MAT2A: variants seen among roughly 807,000 people sequenced by gnomAD.
The protein encoded by MAT2A is methionine adenosyltransferase 2A.
Under a neutral mutation model 43.9 loss-of-function variants are expected in MAT2A, and 3 were observed. The observed-to-expected ratio is 0.07, with a 90% CI of 0.03 to 0.18. The LOEUF is 0.18. Among genes scored for constraint, MAT2A ranks in the 10% least tolerant of loss-of-function variants. MAT2A has a pLI of 1.00. For synonymous variants in MAT2A, 200 were observed against 168.4 expected (o/e 1.19, Z -1.45); for missense variants, 204 against 489.0 (o/e 0.42, Z 5.50).
Position 85,541,870 on chromosome 2 carries a change from T to C in MAT2A, c.447T>C (p.Cys149=). The C allele has an allele frequency of 6.2e-7, 1 of 1,614,258 alleles. No homozygotes were observed. The highest frequency in any genetic ancestry group is 8.5e-7 in the Non-Finnish European group (1 of 1,180,028). ...ATGCCACTGATGAAACTGAGGAGTG[T>C]ATGCCTTTAACCATTGTCTTGGCAC... ...FGYATDETEE[C]MPLTIVLAHK... is the part of the protein sequence containing the mutation. The change falls in exon 5 of 9, where the codon TGT becomes TGC. Residue 149 remains cysteine (C), a synonymous_variant. Coordinates refer to ENST00000306434, the MANE Select transcript of MAT2A (RefSeq NM_005911.6).
chr2:85,540,573 C>T (rs1260521604), intron 1 of MAT2A, among the ~76,000 whole-genome samples: 1 of 152,214 alleles, frequency 6.6e-6, no homozygotes, highest in South Asian at 2.1e-4. Flanking sequence ...CAATAGATGA[C>T]AAAGCAGGGA....
At chr2:85,539,687 G>C (rs1041435612) in intron 1 of MAT2A, 2 of 235,208 alleles carry the variant, frequency 8.5e-6, no homozygotes, top group African/African-American at 4.6e-5. Context: ...GTTCTGGCCG[G>C]GAAGGGAGGG....
In MAT2A at chr2:85,544,337, G is replaced by C. The variant is rs1411323189; in HGVS notation, c.*565G>C. The C allele has an allele frequency of 3.9e-5, 6 of 152,738 alleles. No homozygotes were observed. The highest frequency in any genetic ancestry group is 3.4e-3 in the Middle Eastern group (1 of 294). The allele number at this position is 152,738 out of a possible 1,614,324, so 9.5% of individuals were successfully genotyped here. A position where few individuals can be genotyped will look rare whatever the true frequency, so the allele number is the denominator to read the frequency against. On this transcript the variant is annotated 3_prime_UTR_variant, in exon 9 of 9. Transcript: ENST00000306434. ...GTTCCCTATCCAATCAATCTTGCAT[G>C]TAACGCAAGTTCCCAGTTGGAGCTC...
intron 6 of MAT2A, 56 bp from the exon 7 acceptor site, chr2:85,542,509 A>C: frequency 6.4e-7 from 1 of 1,556,440 alleles, no homozygotes; most frequent in Non-Finnish European, 8.8e-7. Context: ...AGAATAGGCA[A>C]CCTAATCCAC....
In MAT2A at chr2:85,541,620, T is replaced by G. The variant is rs1558797780; in HGVS notation, c.293-13T>G. On this transcript the variant is annotated splice_polypyrimidine_tract_variant and intron_variant, in intron 3 of 8. Transcript: ENST00000306434. ...CTAGGACGTAAACAAGATGTTGTGTTTTTTGCTTATAGGTTTTGACTACAA... is the reference window on the plus strand; with the variant it reads ...CTAGGACGTAAACAAGATGTTGTGTGTTTTGCTTATAGGTTTTGACTACAA... 1 of 1,577,752 alleles carries G rather than the reference T, an allele frequency of 6.3e-7. No homozygotes were observed.
At chr2:85,539,478 C>G (rs868305825) in intron 1 of MAT2A, 100 bp downstream of exon 1, 1 of 872,642 alleles carries the variant, frequency 1.1e-6, no homozygotes, top group Non-Finnish European at 1.7e-6. Context: ...CGCGGGTCGT[C>G]CTCGTCCGCC....
chr2:85,541,722 G>A lies in MAT2A; in HGVS notation c.382G>A (p.Glu128Lys). The change falls in exon 4 of 9, where the codon GAA (glutamate) becomes AAA (lysine). Residue 128 changes from glutamate (E) to lysine (K), a missense_variant. Coordinates refer to ENST00000306434, the MANE Select transcript of MAT2A (RefSeq NM_005911.6). ...AQGVHLDRNE[E>K]DIGAGDQGLM... ...AGGTGTTCATCTTGACAGAAATGAA[G>A]AAGACATTGGTGCTGGAGACCAGGT... 6.2e-7 allele frequency: 1 copy of A among 1,614,196 alleles called. No homozygotes were observed. The highest frequency in any genetic ancestry group is 1.3e-5 in the African/African-American group (1 of 75,078).
Position 85,541,029 on chromosome 2 carries a change from A to G in MAT2A, c.92-54A>G, listed in dbSNP as rs1039350620. The G allele has an allele frequency of 6.3e-6, 8 of 1,266,440 alleles. No homozygotes were observed. The African/African-American group carries it at 1.0e-4, about 16-fold the overall frequency. 78.5% of individuals were successfully genotyped at this position (1,266,440 alleles called of 1,614,324 possible). A position where few individuals can be genotyped will look rare whatever the true frequency, so the allele number is the denominator to read the frequency against. ...ACAGGGAGGGAGCTTGCATACATAC[A>G]TACATACTTTGTTTAAAGTTAAAGA... On this transcript the variant is annotated intron_variant, in intron 1 of 8. Coordinates refer to ENST00000306434, the MANE Select transcript of MAT2A (RefSeq NM_005911.6).
In MAT2A at chr2:85,541,960, T is replaced by C. The variant is rs1363300276; in HGVS notation, c.537T>C (p.Asp179=). Residue 179 remains aspartate, a synonymous_variant, in exon 5 of 9, where the codon GAT becomes GAC. Coordinates refer to ENST00000306434, the MANE Select transcript of MAT2A (RefSeq NM_005911.6). ...RNGTLPWLRP[D]SKTQVTVQYM... ...GCACTTTGCCTTGGTTACGCCCTGA[T>C]TCTAAAACTCAAGTAAGTGATGATC... 6.2e-7 allele frequency: 1 copy of C among 1,613,532 alleles called. No individual in the cohort carries two copies. Among genetic ancestry groups the C allele is most frequent in the Non-Finnish European group, 8.5e-7 (1 of 1,179,562 alleles).
rs1013956541 is a variant in MAT2A at position 85,542,857 on chromosome 2, G to A, written c.952-44G>A. On this transcript the variant is annotated intron_variant, in intron 7 of 8. Coordinates refer to ENST00000306434, the MANE Select transcript of MAT2A (RefSeq NM_005911.6). ...TACCAACGTATTATACAAGTATATGGGTCTTTGCAATCACTGATTCTTACG... is the reference window on the plus strand; with the variant it reads ...TACCAACGTATTATACAAGTATATGAGTCTTTGCAATCACTGATTCTTACG... 7 of 1,597,272 alleles carry A rather than the reference G, an allele frequency of 4.4e-6. No homozygotes were observed. In the African/African-American group the frequency reaches 9.4e-5, roughly 21 times the overall value.
chr2:85,543,345 A>G (rs1388125003), intron 8 of MAT2A: 2 of 408,250 alleles, frequency 4.9e-6, no homozygotes, highest in East Asian at 4.1e-5. Context: ...GTTTGTTGCA[A>G]TGTAAAAACC....
rs553633951 is a variant in MAT2A at position 85,543,049 on chromosome 2, G to A, written c.1085+15G>A. On this transcript the variant is annotated intron_variant, in intron 8 of 8. Transcript: ENST00000306434. ...GTCATTGTCAGGTAAAGATGGTAAA[G>A]CCTGTTGCTAGTCAAGTATTGAGGG... is the stretch of plus-strand genomic sequence containing the variant. 1.9e-6 allele frequency: 3 copies of A among 1,610,262 alleles called. No homozygotes were observed. Among genetic ancestry groups the A allele is most frequent in the East Asian group, 2.2e-5 (1 of 44,894 alleles).
intron 8 of MAT2A, chr2:85,543,287 T>C (rs1245597533): frequency 2.1e-6 from 1 of 482,192 alleles, no homozygotes; most frequent in Non-Finnish European, 3.8e-6. Context: ...CTTTGTGCTC[T>C]TCTACTTAAG....
Position 85,539,250 on chromosome 2 carries a change from G to T in MAT2A, c.-38G>T, listed in dbSNP as rs369764844. 53 of 1,481,422 alleles carry T rather than the reference G, an allele frequency of 3.6e-5. No individual in the cohort carries two copies. Among genetic ancestry groups the T allele is most frequent in the Non-Finnish European group, 4.8e-5 (52 of 1,072,286 alleles). The allele number at this position is 1,481,422 out of a possible 1,614,324, so 91.8% of individuals were successfully genotyped here. A position where few individuals can be genotyped will look rare whatever the true frequency, so the allele number is the denominator to read the frequency against. ...TCGCAGCCGCTGCCGCCTCGCCGCT[G>T]CTCCTTCGTAAGGCCACTTCCGCAC... On this transcript the variant is annotated 5_prime_UTR_variant, in exon 1 of 9. Transcript: ENST00000306434.
chr2:85,542,510 C>T, intron 6 of MAT2A, 55 bp from the exon 7 acceptor site: 25 of 1,559,096 alleles, frequency 1.6e-5, no homozygotes, highest in Non-Finnish European at 2.2e-5. Context: ...GAATAGGCAA[C>T]CTAATCCACT....
Position 85,539,190 on chromosome 2 carries a change from G to A in MAT2A, c.-98G>A. On this transcript the variant is annotated 5_prime_UTR_variant, in exon 1 of 9. Coordinates refer to ENST00000306434, the MANE Select transcript of MAT2A (RefSeq NM_005911.6). The stretch of plus-strand genomic sequence containing the variant: ...TTCGTTCGCTCCGCGCCGCCCGCCT[G>A]CTACGAGTAGAACGCTGTCCGCAGC... The A allele has an allele frequency of 1.1e-6, 1 of 870,116 alleles. No homozygotes were observed. The allele number at this position is 870,116 out of a possible 1,614,324, so 53.9% of individuals were successfully genotyped here. A position where few individuals can be genotyped will look rare whatever the true frequency, so the allele number is the denominator to read the frequency against.
Position 85,541,177 on chromosome 2 carries a change from C to T in MAT2A, c.169+17C>T, listed in dbSNP as rs555218760. Reference sequence around the variant, plus strand: ...TAGCTTGTGGTAGGTTCAGAATGTGCTTATCAACTGGTGGAAAGATAGCAT... The same window carrying T: ...TAGCTTGTGGTAGGTTCAGAATGTGTTTATCAACTGGTGGAAAGATAGCAT... On this transcript the variant is annotated intron_variant, in intron 2 of 8. Transcript: ENST00000306434. 2 of 1,613,166 alleles carry T rather than the reference C, an allele frequency of 1.2e-6. No homozygotes were observed. The highest frequency in any genetic ancestry group is 2.2e-5 in the South Asian group (2 of 90,964).
rs1691506990 is a variant in MAT2A, at chr2:85,542,755, CTCTT to C, written c.951+10_951+13del. 4.4e-6 allele frequency: 7 copies of C among 1,597,196 alleles called. No individual in the cohort carries two copies. The highest frequency in any genetic ancestry group is 5.1e-6 in the Non-Finnish European group (6 of 1,168,566). ...CGGAGGGTTCTTGTTCAGGTATACA[CTCTT>C]TATATAACGAACGATTAAAAGTCAT... On this transcript the variant is annotated intron_variant, in intron 7 of 8. Transcript: ENST00000306434.
intron 7 of MAT2A, 57 bp downstream of exon 7, chr2:85,542,804 G>C (rs900037186): frequency 1.9e-5 from 30 of 1,553,804 alleles, no homozygotes; most frequent in Non-Finnish European, 2.4e-5. Flanking sequence ...AGGGTATTTA[G>C]TAGTAATCTA....
Sources: gnomAD v4.1 joint callset for allele counts (sites outside exome capture counted in the v4.1 genomes callset) on GRCh38, gnomAD v4.1.1 for gene constraint, MANE v1.5 for transcripts, NCBI Gene and HGNC (gene_info 2026-07-23, HGNC 2026-07-21) for gene names.